Variants in CCND3 observed in about 807,000 individuals in gnomAD.
CCND3 encodes cyclin D3, also known as G1/S-specific cyclin-D3.
Under a neutral mutation model 28.7 loss-of-function variants are expected in CCND3, and 9 were observed. That is an observed-to-expected ratio of 0.31 (90% CI 0.19 to 0.55). The LOEUF is 0.55. Ranked by LOEUF, CCND3 falls within the 20% of genes least tolerant of loss-of-function variation. CCND3 has a pLI of 0.93. For missense variants in CCND3, 315 were observed against 385.8 expected, an observed-to-expected ratio of 0.82 and a Z score of 1.54; for synonymous variants, 164 against 163.9, an observed-to-expected ratio of 1.00 and a Z score of 0.00.
chr6:41,968,751 A>C (rs1052070815), intron 1 of CCND3, among the ~76,000 whole-genome samples: 1 of 151,966 alleles, frequency 6.6e-6, no homozygotes, highest in African/African-American at 2.4e-5. Context: ...CTAAATATTC[A>C]CTTTTGTATC....
chr6:42,036,523 C>T (rs975204495), intron 1 of CCND3, among the ~76,000 whole-genome samples: 2 of 149,534 alleles, frequency 1.3e-5, no homozygotes, highest in Non-Finnish European at 3.0e-5. Context: ...AATCCTCCCA[C>T]CTCAGCCTCC....
chr6:41,939,711 AG>A lies in CCND3; in HGVS notation c.414+658del, dbSNP rs1280349291. ...GTCCCTCAGCTTGGGCCTTGGGCTA[AG>A]GGGGGAAGAGGGAGCTGTTTCCACC... On this transcript the variant is annotated intron_variant, in intron 2 of 4. Coordinates refer to ENST00000372991, the MANE Select transcript of CCND3 (RefSeq NM_001760.5). This position sits in a 1 kb window ranked among gnomAD's most constrained non-coding sequence, Gnocchi z 4.2. 2.6e-5 allele frequency among the ~76,000 whole-genome samples: 4 copies of A among 152,142 alleles called. No homozygotes were observed. The highest frequency in any genetic ancestry group is 6.5e-5 in the Admixed American group (1 of 15,282).
rs67939325 is a variant in CCND3, at chr6:41,990,660, A to ATTTTT, written c.-45-50080_-45-50076dup. Among the ~76,000 whole-genome samples, 21 of 121,286 alleles carry ATTTTT rather than the reference A, an allele frequency of 1.7e-4. 1 individual carries two copies. The highest frequency in any genetic ancestry group is 6.3e-4 in the African/African-American group (20 of 31,688). The allele number at this position is 121,286 out of a possible 152,430, so 79.6% of individuals were successfully genotyped here. ...TAGTCCATGAATCTATAACCAACTG[A>ATTTTT]TTTTTTTTTTTTTTTTTTTTTTTTT... On this transcript the variant is annotated intron_variant, in intron 1 of 4. Coordinates refer to the CCND3 transcript ENST00000372988.
intron 1 of CCND3, among the ~76,000 whole-genome samples, chr6:42,010,568 C>T (rs9471726): frequency 0.013 from 2,029 of 152,280 alleles, 48 homozygotes; most frequent in African/African-American, 0.043. Context: ...CCCCATCTAG[C>T]GGGGCCCCTT....
At chr6:41,985,606 T>G (rs12055811) in intron 1 of CCND3, among the ~76,000 whole-genome samples, 365 of 15,648 alleles carry the variant, frequency 0.023, 54 homozygotes, top group East Asian at 0.036. Context: ...TGAGCCACCA[T>G]GCCTGGCCAG....
intron 1 of CCND3, among the ~76,000 whole-genome samples, chr6:42,033,457 AAT>A (rs1554168068): frequency 1.0e-3 from 146 of 141,824 alleles, no homozygotes; most frequent in African/African-American, 3.6e-3. Flanking sequence ...CTAAAAAAAA[AAT>A]ATATATATAT....
intron 1 of CCND3, among the ~76,000 whole-genome samples, chr6:42,027,448 AAAAAAAAAAG>A (rs1763911176): frequency 2.7e-5 from 1 of 36,864 alleles, no homozygotes; most frequent in Non-Finnish European, 6.1e-5. Context: ...TCAAAAAAAA[AAAAAAAAAAG>A]ACACCCGACT....
chr6:41,946,165 A>C (rs1461894101), upstream of CCND3, among the ~76,000 whole-genome samples: 2 of 152,182 alleles, frequency 1.3e-5, no homozygotes, highest in Non-Finnish European at 2.9e-5. Context: ...TCCTTTTCTA[A>C]AAATGGTGAT....
At chr6:41,971,844 T>G (rs1353379611) in intron 1 of CCND3, among the ~76,000 whole-genome samples, 1 of 150,642 alleles carries the variant, frequency 6.6e-6, no homozygotes, top group African/African-American at 2.4e-5. Flanking sequence ...GGCCTTCCTT[T>G]TTCTTTATTT....
chr6:42,015,587 G>A (rs1399032622), intron 1 of CCND3, among the ~76,000 whole-genome samples: 2 of 152,040 alleles, frequency 1.3e-5, no homozygotes, highest in Non-Finnish European at 2.9e-5. Flanking sequence ...GCATGCACCT[G>A]TAGTCCCAGC....
At chr6:42,036,377 C>CTATATATATATA (rs1162806893) in intron 1 of CCND3, among the ~76,000 whole-genome samples, 42 of 59,586 alleles carry the variant, frequency 7.0e-4, no homozygotes, top group East Asian at 6.1e-3. Flanking sequence ...TGCATATATA[C>CTATATATATATA]TATATATATA....
intron 1 of CCND3, among the ~76,000 whole-genome samples, chr6:42,044,499 C>T (rs57212063): frequency 2.8e-4 from 43 of 152,264 alleles, no homozygotes; most frequent in African/African-American, 1.0e-3. Flanking sequence ...GGTTTACAGG[C>T]GAAGGGGCTT....
chr6:42,000,234 C>CTTTTTTTTTTTTTTTTTTTTTTTTTT lies in CCND3; in HGVS notation c.-46+48241_-46+48266dup, dbSNP rs70987562. ...AGTCTCGTGGAAATTTGAAAACATA[C>CTTTTTTTTTTTTTTTTTTTTTTTTTT]TTTTTTTTTTTTTTTTTTTTTTTTT... is the stretch of plus-strand genomic sequence containing the variant. On this transcript the variant is annotated intron_variant, in intron 1 of 4. Coordinates refer to the CCND3 transcript ENST00000372988. Among the ~76,000 whole-genome samples the CTTTTTTTTTTTTTTTTTTTTTTTTTT allele has an allele frequency of 3.5e-4, 18 of 51,032 alleles. 7 individuals are homozygous for CTTTTTTTTTTTTTTTTTTTTTTTTTT. Among genetic ancestry groups the CTTTTTTTTTTTTTTTTTTTTTTTTTT allele is most frequent in the African/African-American group, 1.0e-3 (11 of 10,840 alleles). 33.5% of individuals were successfully genotyped at this position (51,032 alleles called of 152,430 possible). A position where few individuals can be genotyped will look rare whatever the true frequency, so the allele number is the denominator to read the frequency against.
intron 1 of CCND3, among the ~76,000 whole-genome samples, chr6:41,980,568 A>G (rs1762317383): frequency 6.6e-6 from 1 of 152,208 alleles, no homozygotes; most frequent in Non-Finnish European, 1.5e-5. Flanking sequence ...TCAACAGCAG[A>G]CACAAATGTT....
At chr6:42,019,488 C>CA (rs57466823) in intron 1 of CCND3, among the ~76,000 whole-genome samples, 30,362 of 84,364 alleles carry the variant, frequency 0.36, 5,787 homozygotes, top group South Asian at 0.58. Flanking sequence ...GACTCTGTCT[C>CA]AAAAAAAAAA....
intron 1 of CCND3, among the ~76,000 whole-genome samples, chr6:42,032,902 C>G (rs1327692953): frequency 2.0e-5 from 3 of 152,164 alleles, no homozygotes; most frequent in Non-Finnish European, 1.5e-5. Flanking sequence ...CCTAGTGAGT[C>G]TATGAGTTTC....
In CCND3 at chr6:42,005,178, G is replaced by T. The variant is rs1410252487; in HGVS notation, c.-46+43323C>A. ...AAATATAAGCAAACCAAACCCAGCA[G>T]TGTATTAACAAGATAATGTATCATG... On this transcript the variant is annotated intron_variant, in intron 1 of 4. Coordinates refer to the CCND3 transcript ENST00000372988. Among the ~76,000 whole-genome samples the T allele has an allele frequency of 2.0e-4, 30 of 152,264 alleles. No individual in the cohort carries two copies. In the East Asian group the frequency reaches 5.4e-3, roughly 27 times the overall value.
intron 1 of CCND3, among the ~76,000 whole-genome samples, chr6:42,045,866 T>C (rs976224866): frequency 5.4e-5 from 8 of 149,092 alleles, no homozygotes. Context: ...GAGTACAACC[T>C]GTTCTCCACA....
chr6:42,026,930 T>C (rs1156557155), intron 1 of CCND3, among the ~76,000 whole-genome samples: 1 of 152,074 alleles, frequency 6.6e-6, no homozygotes, highest in Admixed American at 6.5e-5. Context: ...CCCACCCGGA[T>C]CTGTATGGGA....
Sources: gnomAD v4.1 joint callset for allele counts (sites outside exome capture counted in the v4.1 genomes callset) on GRCh38, gnomAD v4.1.1 for gene constraint, Gnocchi (gnomAD v3.1) non-coding constraint, MANE v1.5 for transcripts, NCBI Gene and HGNC (gene_info 2026-07-23, HGNC 2026-07-21) for gene names.